The following OIP5 variants were observed in gnomAD, a reference collection of about 807,000 sequenced individuals.
The protein encoded by OIP5 is Opa interacting protein 5, also known as protein Mis18-beta.
Under a neutral mutation model 20.3 loss-of-function variants are expected in OIP5, and 24 were observed. The ratio of observed to expected loss-of-function variants is 1.18; its 90% CI spans 0.86 to 1.66. OIP5 has a LOEUF of 1.66. OIP5 is among the 40% of genes most tolerant of loss of function. The probability of loss-of-function intolerance (pLI) is 0.00; values close to 1 mark genes in which losing one functional copy is unlikely to be tolerated. For missense variants in OIP5, 339 were observed against 289.5 expected (o/e 1.17, Z -1.24); for synonymous variants, 143 against 121.3 (o/e 1.18, Z -1.17).
At chr15:41,324,401 T>C (rs1226562820) in intron 2 of OIP5, among the ~76,000 whole-genome samples, 1 of 152,192 alleles carries the variant, frequency 6.6e-6, no homozygotes, top group Non-Finnish European at 1.5e-5. Flanking sequence ...TTTAAAGGAA[T>C]GTTGTGGCTG....
rs2140471293 is a variant in OIP5 at position 41,331,967 on chromosome 15, C to T, written c.337G>A (p.Val113Ile). Reference protein sequence around the residue: ...AVVFSRVTNNVVLEAPFLVGI... With the variant: ...AVVFSRVTNNIVLEAPFLVGI... ...ACTAGGAAGGGCGCTTCCAAAACGACGTTATTTGTAACTCCTAGGAAGACA... is the reference window on the plus strand; with the variant it reads ...ACTAGGAAGGGCGCTTCCAAAACGATGTTATTTGTAACTCCTAGGAAGACA... The change falls in exon 2 of 5, where the codon GTC becomes ATC. Residue 113 changes from valine to isoleucine, a missense_variant. Transcript: ENST00000220514. 6.2e-7 allele frequency: 1 copy of T among 1,613,996 alleles called. No individual in the cohort carries two copies. The highest frequency in any genetic ancestry group is 1.6e-4 in the Middle Eastern group (1 of 6,062).
At chr15:41,310,414 C>T (rs2047746795) in intron 4 of OIP5, among the ~76,000 whole-genome samples, 1 of 152,112 alleles carries the variant, frequency 6.6e-6, no homozygotes. Flanking sequence ...ATCACGAGGT[C>T]AGGAGATCAA....
rs140753474 is a variant in OIP5, at chr15:41,314,434, T to C, written c.513-1080A>G. On this transcript the variant is annotated intron_variant, in intron 3 of 4. Transcript: ENST00000220514. ...CTTTATTGCCAACAGAATCCAGATT[T>C]TTGCCATGAGCCTACTGTTACATAT... 5.7e-3 allele frequency among the ~76,000 whole-genome samples: 867 copies of C among 152,078 alleles called. 11 individuals are homozygous for C. The highest frequency in any genetic ancestry group is 0.037 in the Middle Eastern group (11 of 294).
chr15:41,317,500 C>T (rs8035341), intron 3 of OIP5, among the ~76,000 whole-genome samples: 2,325 of 152,004 alleles, frequency 0.015, 72 homozygotes, highest in African/African-American at 0.054. Context: ...CTGCCTCAGC[C>T]TCCCAAGTAG....
At chr15:41,332,039 T>G in intron 1 of OIP5, 58 bp from the exon 2 acceptor site, 4 of 1,536,318 alleles carry the variant, frequency 2.6e-6, no homozygotes, top group Non-Finnish European at 3.6e-6. Context: ...ATGGAAAATC[T>G]CTCCTCTAGA....
rs567817503 is a variant in OIP5, at chr15:41,319,532, G to A, written c.512+126C>T. On this transcript the variant is annotated intron_variant, in intron 3 of 4. Transcript: ENST00000220514. ...GCCTCCTAAAGTGCTGGGATTACAG[G>A]CATAAGCCACTGTGCTCAGCCTACT... 7.5e-4 allele frequency: 682 copies of A among 906,910 alleles called. 1 individual carries two copies. Among genetic ancestry groups the A allele is most frequent in the Non-Finnish European group, 9.8e-4 (611 of 624,450 alleles). The allele number at this position is 906,910 out of a possible 1,614,324, so 56.2% of individuals were successfully genotyped here. A position where few individuals can be genotyped will look rare whatever the true frequency, so the allele number is the denominator to read the frequency against.
intron 3 of OIP5, 63 bp downstream of exon 3, chr15:41,319,595 G>T: frequency 1.3e-6 from 2 of 1,517,476 alleles, no homozygotes; most frequent in Non-Finnish European, 8.9e-7. Context: ...TTTATTTGAT[G>T]GACTTTGTCT....
chr15:41,318,021 CAT>C (rs1423397431), intron 3 of OIP5, among the ~76,000 whole-genome samples: 15 of 152,174 alleles, frequency 9.9e-5, no homozygotes, highest in African/African-American at 2.4e-4. Flanking sequence ...GGGAATCACA[CAT>C]GATACAAATC....
At chr15:41,320,651 C>T (rs1477998475) in intron 2 of OIP5, among the ~76,000 whole-genome samples, 5 of 152,160 alleles carry the variant, frequency 3.3e-5, no homozygotes, top group Admixed American at 6.5e-5. Context: ...ACCTCCCAGC[C>T]GCCTGCCTTG....
chr15:41,326,025 G>T (rs977258734), intron 2 of OIP5, among the ~76,000 whole-genome samples: 5 of 151,982 alleles, frequency 3.3e-5, no homozygotes, highest in Non-Finnish European at 5.9e-5. Flanking sequence ...AGCTGGGTGT[G>T]GTAGGGCACA....
At chr15:41,328,976 G>C (rs975517117) in intron 2 of OIP5, among the ~76,000 whole-genome samples, 1 of 139,018 alleles carries the variant, frequency 7.2e-6, no homozygotes, top group East Asian at 2.4e-4. Flanking sequence ...TGAGGTAGGA[G>C]AATAGCTTGA....
In OIP5 at chr15:41,309,786, C is replaced by A. The variant is rs547051997; in HGVS notation, c.658G>T (p.Val220Leu). 9.3e-6 allele frequency: 15 copies of A among 1,614,016 alleles called. No homozygotes were observed. In the East Asian group the frequency reaches 3.3e-4, roughly 36 times the overall value. The change falls in exon 5 of 5, where the codon GTG becomes TTG. Residue 220 changes from valine (V) to leucine (L), a missense_variant. Coordinates refer to ENST00000220514, the MANE Select transcript of OIP5 (RefSeq NM_007280.2). ...TCTGGCTTGGACTGGTCAGGAGTCA[C>A]TTCACTCAGAATCTTCATTAGTGAT... is the stretch of plus-strand genomic sequence containing the variant. ...LKSLMKILSEVTPDQSKPEN is the reference protein window; with the variant it reads ...LKSLMKILSELTPDQSKPEN
intron 4 of OIP5, 77 bp from the exon 5 acceptor site, chr15:41,309,926 T>C (rs1471842430): frequency 2.1e-6 from 2 of 966,484 alleles, no homozygotes; most frequent in Non-Finnish European, 3.1e-6. Flanking sequence ...TCTCACTCTG[T>C]TGCCTGAGCT....
At chr15:41,317,241 T>G (rs1009433233) in intron 3 of OIP5, among the ~76,000 whole-genome samples, 1 of 152,136 alleles carries the variant, frequency 6.6e-6, no homozygotes, top group Admixed American at 6.6e-5. Context: ...ACATGGGAAA[T>G]AGCTATCCCA....
chr15:41,326,225 A>G (rs987199348), intron 2 of OIP5, among the ~76,000 whole-genome samples: 8 of 152,204 alleles, frequency 5.3e-5, no homozygotes, highest in African/African-American at 1.9e-4. Flanking sequence ...TATTTTATTG[A>G]ATATTACTAT....
At chr15:41,315,089 G>A (rs1287069029) in intron 3 of OIP5, among the ~76,000 whole-genome samples, 2 of 137,022 alleles carry the variant, frequency 1.5e-5, no homozygotes, top group Admixed American at 1.6e-4. Context: ...GTGACAGTGA[G>A]ACCCTGTCTC....
chr15:41,315,247 T>C (rs1343708092), intron 3 of OIP5, among the ~76,000 whole-genome samples: 1 of 151,712 alleles, frequency 6.6e-6, no homozygotes, highest in African/African-American at 2.4e-5. Context: ...CTGGCAAACA[T>C]GGTAAAACCC....
In OIP5 at chr15:41,319,773, T is replaced by C; in HGVS notation, c.397A>G (p.Asn133Asp). The change falls in exon 3 of 5, where the codon AAC becomes GAC. Residue 133 changes from asparagine to aspartate, a missense_variant. By Grantham distance (23) the Asn-to-Asp change is conservative (BLOSUM62 1). Coordinates refer to ENST00000220514, the MANE Select transcript of OIP5 (RefSeq NM_007280.2). ...IEGSLKGSTY[N>D]LLFCGSCGIP... ...CCACAAGAACCACAGAATAAAAGGT[T>C]GTAAGTACTAGGGGTGGGGAAAAAC... The C allele has an allele frequency of 6.2e-7, 1 of 1,611,548 alleles. No homozygotes were observed. Among genetic ancestry groups the C allele is most frequent in the Non-Finnish European group, 8.5e-7 (1 of 1,178,896 alleles).
intron 2 of OIP5, among the ~76,000 whole-genome samples, chr15:41,322,563 AT>A (rs574920598): frequency 1.4e-4 from 21 of 149,454 alleles, no homozygotes; most frequent in African/African-American, 3.4e-4. Flanking sequence ...TGCCCTACTA[AT>A]TTTTTTTTTG....
Sources: allele counts gnomAD v4.1 joint callset (sites outside exome capture counted in the v4.1 genomes callset), GRCh38; gene constraint gnomAD v4.1.1; transcripts MANE v1.5; gene names NCBI Gene and HGNC (gene_info 2026-07-23, HGNC 2026-07-21).